Variants in SLC45A1 observed in about 807,000 individuals in gnomAD.
The protein encoded by SLC45A1 is solute carrier family 45 member 1, also known as proton-associated sugar transporter A.
A neutral mutation model predicts 57.6 loss-of-function variants in SLC45A1; 28 were observed. The observed-to-expected ratio is 0.49, with a 90% CI of 0.36 to 0.67. The LOEUF (loss-of-function observed/expected upper bound fraction) is 0.67, where lower values mean the gene tolerates loss of function less well. Among genes scored for constraint, SLC45A1 ranks in the 30% least tolerant of loss-of-function variants. SLC45A1 has a pLI of 0.00. For synonymous variants in SLC45A1, 459 were observed against 471.5 expected (o/e 0.97, Z 0.34); for missense variants, 814 against 1,041.5 (o/e 0.78, Z 3.01).
intron 1 of SLC45A1, among the ~76,000 whole-genome samples, chr1:8,322,023 A>G (rs11804561): frequency 0.24 from 7,865 of 32,200 alleles, 1,846 homozygotes; most frequent in Middle Eastern, 0.5. Context: ...GGATGGATGG[A>G]TGGATGGGTG....
At chr1:8,338,397 G>A (rs1451839457) in intron 7 of SLC45A1, among the ~76,000 whole-genome samples, 60 of 152,238 alleles carry the variant, frequency 3.9e-4, no homozygotes, top group Admixed American at 3.7e-3. Context: ...GTGTGTGGTC[G>A]TGGAGCGTAG....
intron 8 of SLC45A1, among the ~76,000 whole-genome samples, chr1:8,340,841 A>C (rs1181806407): frequency 4.6e-5 from 7 of 152,186 alleles, no homozygotes; most frequent in Non-Finnish European, 1.0e-4. Context: ...AGGACAGCTG[A>C]AATCTCGTTA....
Position 8,326,160 on chromosome 1 carries a change from C to A in SLC45A1, c.715+118C>A. The A allele has an allele frequency of 1.4e-6, 1 of 725,492 alleles. No homozygotes were observed. The highest frequency in any genetic ancestry group is 2.3e-6 in the Non-Finnish European group (1 of 437,762). 44.9% of individuals were successfully genotyped at this position (725,492 alleles called of 1,614,324 possible). On this transcript the variant is annotated intron_variant, in intron 4 of 8. Coordinates refer to ENST00000471889, the MANE Select transcript of SLC45A1 (RefSeq NM_001080397.3). The surrounding 1 kb of genome is among the most constrained non-coding windows in gnomAD (Gnocchi z 5.5). The stretch of plus-strand genomic sequence containing the variant: ...CAAAGAAGCTGGGAGAATTCCAATA[C>A]ATGGAGAAACACTGAAGTGATTGAA...
chr1:8,321,766 A>T (rs1640014721), intron 1 of SLC45A1, among the ~76,000 whole-genome samples: 1 of 151,866 alleles, frequency 6.6e-6, no homozygotes, highest in African/African-American at 2.4e-5. Context: ...TTGGATAGAC[A>T]GATGAATAGA....
At chr1:8,338,989 A>G (rs973584277) in intron 7 of SLC45A1, among the ~76,000 whole-genome samples, 5 of 152,150 alleles carry the variant, frequency 3.3e-5, no homozygotes, top group Admixed American at 3.3e-4. Flanking sequence ...CCCCATAGCC[A>G]TGTGGCCTTG....
chr1:8,323,912 G>C (rs1317991792), intron 1 of SLC45A1, among the ~76,000 whole-genome samples: 1 of 152,212 alleles, frequency 6.6e-6, no homozygotes, highest in Non-Finnish European at 1.5e-5. Flanking sequence ...GGTCCCCTGG[G>C]ACCTTCAGGG....
rs781137857 is a variant in SLC45A1 at position 8,328,415 on chromosome 1, C to A, written c.716-1794C>A. Among the ~76,000 whole-genome samples, 1 of 152,108 alleles carries A rather than the reference C, an allele frequency of 6.6e-6. No homozygotes were observed. The highest frequency in any genetic ancestry group is 1.5e-5 in the Non-Finnish European group (1 of 68,026). On this transcript the variant is annotated intron_variant, in intron 4 of 8. Coordinates refer to ENST00000471889, the MANE Select transcript of SLC45A1 (RefSeq NM_001080397.3). This position sits in a 1 kb window ranked among gnomAD's most constrained non-coding sequence, Gnocchi z 4.6. ...CTTTCCACACGTGCGCTGCTGTGGG[C>A]GAGGGAACTTCTAAAGGGGCCATGC...
Position 8,330,298 on chromosome 1 carries a change from A to C in SLC45A1, c.805A>C (p.Ile269Leu). Residue 269 changes from isoleucine (I) to leucine (L), a missense_variant, in exon 5 of 9, where the codon ATT (isoleucine) becomes CTT (leucine). By Grantham distance (5) the Ile-to-Leu change is conservative. Transcript: ENST00000471889. This position sits in a 1 kb window ranked among gnomAD's most constrained non-coding sequence, Gnocchi z 8.4. ...GRALGGQLRV[I>L]YLFTAVTLSV... ...GGCCCTGGGGGGACAGCTCCGAGTC[A>C]TTTACCTCTTCACTGCGGTCACCCT... 1.2e-6 allele frequency: 2 copies of C among 1,613,644 alleles called. No individual in the cohort carries two copies. Among genetic ancestry groups the C allele is most frequent in the Non-Finnish European group, 1.7e-6 (2 of 1,179,958 alleles).
rs1420666842 is a variant in SLC45A1 at position 8,343,885 on chromosome 1, G to A, written c.2119G>A (p.Gly707Arg). ...GACCTCGGCCGTGGGCAGTGCCAAC[G>A]GGGTGATGTACTTCTCCAGCCTCGT... ...PLTSAVGSAN[G>R]VMYFSSLVSF... The change falls in exon 9 of 9, where the codon GGG becomes AGG. Residue 707 changes from glycine to arginine, a missense_variant. Gly to Arg is a moderately radical substitution (Grantham distance 125). Transcript: ENST00000471889. The surrounding 1 kb of genome is among the most constrained non-coding windows in gnomAD (Gnocchi z 7.7). The A allele has an allele frequency of 5.0e-6, 8 of 1,614,130 alleles. No individual in the cohort carries two copies. The highest frequency in any genetic ancestry group is 5.9e-6 in the Non-Finnish European group (7 of 1,180,024).
rs779702520 is a variant in SLC45A1 at position 8,325,323 on chromosome 1, T to A, written c.423T>A (p.Gly141=). The A allele has an allele frequency of 6.2e-7, 1 of 1,613,628 alleles. No homozygotes were observed. ...ILGFLLQPLL[G]AWSDRCTSRF... ...GATTCCTACTGCAGCCTCTGTTGGG[T>A]GCTTGGAGTGACCGGTGTACCTCAA... The change falls in exon 3 of 9, where the codon GGT becomes GGA. Residue 141 remains glycine (G), a synonymous_variant. Coordinates refer to ENST00000471889, the MANE Select transcript of SLC45A1 (RefSeq NM_001080397.3). This position sits in a 1 kb window ranked among gnomAD's most constrained non-coding sequence, Gnocchi z 6.3.
chr1:8,326,008 G>T lies in SLC45A1; in HGVS notation c.681G>T (p.Gln227His). 1 of 1,607,518 alleles carries T rather than the reference G, an allele frequency of 6.2e-7. No individual in the cohort carries two copies. Residue 227 changes from glutamine (Q) to histidine (H), a missense_variant, in exon 4 of 9, where the codon CAG (glutamine) becomes CAT (histidine). Gln to His is a conservative substitution (Grantham distance 24). Coordinates refer to ENST00000471889, the MANE Select transcript of SLC45A1 (RefSeq NM_001080397.3). The surrounding 1 kb of genome is among the most constrained non-coding windows in gnomAD (Gnocchi z 5.5). ...YMMDVCSPAD[Q>H]DRGLNIHALL... is the part of the protein sequence containing the mutation. ...TGGACGTGTGCAGCCCCGCAGACCA[G>T]GACCGAGGCCTGAACATCCACGCCC... is the stretch of plus-strand genomic sequence containing the variant.
chr1:8,334,454 C>T (rs1330568758), intron 5 of SLC45A1, among the ~76,000 whole-genome samples: 5 of 152,156 alleles, frequency 3.3e-5, no homozygotes, highest in African/African-American at 4.8e-5. Context: ...AATTCAAAAA[C>T]GACTAGTTCC....
chr1:8,329,038 A>G (rs1640290003), intron 4 of SLC45A1, among the ~76,000 whole-genome samples: 1 of 152,116 alleles, frequency 6.6e-6, no homozygotes, highest in African/African-American at 2.4e-5. Context: ...ACAGAGGCAG[A>G]GAAGGGACGG....
chr1:8,325,803 T>C lies in SLC45A1; in HGVS notation c.491-15T>C. On this transcript the variant is annotated splice_polypyrimidine_tract_variant and intron_variant, in intron 3 of 8. Transcript: ENST00000471889. This position sits in a 1 kb window ranked among gnomAD's most constrained non-coding sequence, Gnocchi z 6.3. ...TCTGCATTTTCTTGGGGTGACTTTG[T>C]TTCTCTGTGTCCAGGGGCACTGCTG... The C allele has an allele frequency of 2.5e-6, 4 of 1,610,144 alleles. No individual in the cohort carries two copies. Among genetic ancestry groups the C allele is most frequent in the Non-Finnish European group, 2.5e-6 (3 of 1,179,188 alleles).
Position 8,330,772 on chromosome 1 carries a change from A to G in SLC45A1, c.1279A>G (p.Thr427Ala), listed in dbSNP as rs748512128. ...GLLEGREGAL[T>A]SGCDGDILRV... ...TCTGGAGGGCAGAGAGGGTGCCCTG[A>G]CCTCCGGCTGTGACGGGGACATTCT... Residue 427 changes from threonine to alanine, a missense_variant, in exon 5 of 9, where the codon ACC becomes GCC. Physicochemically the swap from Thr to Ala is moderately conservative, Grantham distance 58. Transcript: ENST00000471889. This position sits in a 1 kb window ranked among gnomAD's most constrained non-coding sequence, Gnocchi z 8.4. 6.2e-7 allele frequency: 1 copy of G among 1,613,356 alleles called. No individual in the cohort carries two copies. The highest frequency in any genetic ancestry group is 8.5e-7 in the Non-Finnish European group (1 of 1,180,030).
Position 8,330,424 on chromosome 1 carries a change from C to A in SLC45A1, c.931C>A (p.Pro311Thr), listed in dbSNP as rs752118903. ...AAMKSPSLPL[P>T]PSPPVLPEEG... ...CATGAAGAGCCCCAGCCTCCCGCTG[C>A]CCCCGTCCCCACCCGTCCTGCCAGA... The change falls in exon 5 of 9, where the codon CCC becomes ACC. Residue 311 changes from proline to threonine, a missense_variant. Physicochemically the swap from Pro to Thr is conservative, Grantham distance 38. Coordinates refer to ENST00000471889, the MANE Select transcript of SLC45A1 (RefSeq NM_001080397.3). This position sits in a 1 kb window ranked among gnomAD's most constrained non-coding sequence, Gnocchi z 8.4. The A allele has an allele frequency of 6.2e-7, 1 of 1,611,136 alleles. No individual in the cohort carries two copies. The highest frequency in any genetic ancestry group is 8.5e-7 in the Non-Finnish European group (1 of 1,179,000).
intron 1 of SLC45A1, among the ~76,000 whole-genome samples, chr1:8,322,469 C>T (rs1640064599): frequency 1.4e-5 from 2 of 142,332 alleles, no homozygotes; most frequent in African/African-American, 5.4e-5. Context: ...GTTCTTTATC[C>T]TGCTGGGATG....
chr1:8,332,534 C>CA (rs1194120029), intron 5 of SLC45A1, among the ~76,000 whole-genome samples: 1 of 140,308 alleles, frequency 7.1e-6, no homozygotes, highest in African/African-American at 2.7e-5. Flanking sequence ...TTTTTTGAGA[C>CA]AGAGTCTTGC....
intron 8 of SLC45A1, among the ~76,000 whole-genome samples, chr1:8,341,946 G>A (rs1327325775): frequency 3.3e-5 from 5 of 151,536 alleles, no homozygotes; most frequent in Admixed American, 1.3e-4. Flanking sequence ...GGTGGCTCAC[G>A]CCTGTAATCC....
Sources: gnomAD v4.1 joint callset for allele counts (sites outside exome capture counted in the v4.1 genomes callset) on GRCh38, gnomAD v4.1.1 for gene constraint, Gnocchi (gnomAD v3.1) non-coding constraint, MANE v1.5 for transcripts, NCBI Gene and HGNC (gene_info 2026-07-23, HGNC 2026-07-21) for gene names.